PHLDB2: variants seen among roughly 807,000 people sequenced by gnomAD.
PHLDB2 encodes pleckstrin homology like domain family B member 2, also known as pleckstrin homology-like domain family B member 2.
Under a neutral mutation model 123.6 loss-of-function variants are expected in PHLDB2, and 71 were observed. The observed-to-expected ratio is 0.57, with a 90% confidence interval of 0.47 to 0.70. The LOEUF (loss-of-function observed/expected upper bound fraction) is 0.70. Among genes scored for constraint, PHLDB2 ranks in the 30% least tolerant of loss-of-function variants. The pLI is 0.00. For missense variants in PHLDB2, 1,446 were observed against 1,519.5 expected (o/e 0.95, Z 0.80); for synonymous variants, 547 against 541.6 (o/e 1.01, Z -0.14).
chr3:111,747,281 A>C (rs1213183454), intron 1 of PHLDB2, among the ~76,000 whole-genome samples: 1 of 152,198 alleles, frequency 6.6e-6, no homozygotes, highest in Non-Finnish European at 1.5e-5. Flanking sequence ...AATAGAATAG[A>C]GAGTAGGTGA....
At chr3:111,913,723 A>G in intron 3 of PHLDB2, 21 bp downstream of exon 3, 1 of 1,591,104 alleles carries the variant, frequency 6.3e-7, no homozygotes. Flanking sequence ...CCCAGCAAAG[A>G]TACTAGGATT....
chr3:111,825,961 G>T (rs2062635262), intron 1 of PHLDB2, among the ~76,000 whole-genome samples: 1 of 151,794 alleles, frequency 6.6e-6, no homozygotes, highest in African/African-American at 2.4e-5. Flanking sequence ...ATAAAATTTG[G>T]ATTATTTTAT....
intron 1 of PHLDB2, among the ~76,000 whole-genome samples, chr3:111,834,229 T>TA (rs1209802711): frequency 2.0e-5 from 1 of 50,598 alleles, no homozygotes; most frequent in Admixed American, 2.2e-4. Flanking sequence ...TATATATATA[T>TA]TATGTATATA....
intron 1 of PHLDB2, among the ~76,000 whole-genome samples, chr3:111,760,594 G>A (rs995899467): frequency 7.2e-5 from 11 of 152,050 alleles, no homozygotes; most frequent in African/African-American, 9.7e-5. Context: ...GTTGGACTGC[G>A]GGACTCATCT....
intron 1 of PHLDB2, among the ~76,000 whole-genome samples, chr3:111,867,155 T>C (rs2065129369): frequency 6.6e-6 from 1 of 152,024 alleles, no homozygotes; most frequent in Non-Finnish European, 1.5e-5. Context: ...CTTTCAAACT[T>C]CTCCCAGTTA....
At chr3:111,782,967 T>A (rs768426165) in intron 1 of PHLDB2, among the ~76,000 whole-genome samples, 1 of 152,104 alleles carries the variant, frequency 6.6e-6, no homozygotes, top group Non-Finnish European at 1.5e-5. Context: ...TTATATCACA[T>A]ATAATTTTGT....
At chr3:111,790,736 T>G (rs996856828) in intron 1 of PHLDB2, among the ~76,000 whole-genome samples, 1 of 152,176 alleles carries the variant, frequency 6.6e-6, no homozygotes, top group Non-Finnish European at 1.5e-5. Flanking sequence ...GCCTCCAACC[T>G]AAACAGTGTT....
At chr3:111,841,146 C>T (rs933526833) in intron 1 of PHLDB2, among the ~76,000 whole-genome samples, 2 of 152,158 alleles carry the variant, frequency 1.3e-5, no homozygotes, top group African/African-American at 4.8e-5. Flanking sequence ...GTCGCCCAGG[C>T]TGGAGTGCAA....
chr3:111,822,607 T>C (rs910461602), intron 1 of PHLDB2, among the ~76,000 whole-genome samples: 5 of 152,154 alleles, frequency 3.3e-5, no homozygotes, highest in African/African-American at 1.2e-4. Flanking sequence ...AAATTCAATG[T>C]CTAAAATCAA....
intron 5 of PHLDB2, 21 bp downstream of exon 5, chr3:111,920,440 A>G: frequency 1.2e-6 from 2 of 1,608,826 alleles, no homozygotes; most frequent in Non-Finnish European, 1.7e-6. Flanking sequence ...ATTATATTTC[A>G]ATGCAGTTTT....
chr3:111,907,550 G>A (rs577490980), intron 2 of PHLDB2, among the ~76,000 whole-genome samples: 1 of 152,198 alleles, frequency 6.6e-6, no homozygotes, highest in South Asian at 2.1e-4. Flanking sequence ...AAGTTGGAGT[G>A]TAGTAGCACG....
At chr3:111,781,115 A>T (rs1044179791) in intron 1 of PHLDB2, among the ~76,000 whole-genome samples, 1 of 152,060 alleles carries the variant, frequency 6.6e-6, no homozygotes, top group African/African-American at 2.4e-5. Context: ...TAGCTTTTAT[A>T]TTTCAAGTTG....
intron 1 of PHLDB2, among the ~76,000 whole-genome samples, chr3:111,872,988 T>C (rs1019136229): frequency 3.9e-5 from 6 of 152,142 alleles, no homozygotes; most frequent in Non-Finnish European, 8.8e-5. Flanking sequence ...CCAATAAGCT[T>C]GAACTAAAAA....
At chr3:111,818,676 AG>A (rs767133898) in intron 1 of PHLDB2, among the ~76,000 whole-genome samples, 3 of 152,180 alleles carry the variant, frequency 2.0e-5, no homozygotes, top group Non-Finnish European at 2.9e-5. Context: ...CCAGAGTGAA[AG>A]ACAAAAATAG....
chr3:111,927,568 G>T (rs925484340), intron 5 of PHLDB2, among the ~76,000 whole-genome samples: 3 of 152,102 alleles, frequency 2.0e-5, no homozygotes, highest in African/African-American at 7.2e-5. Flanking sequence ...TGCTAACAGG[G>T]TTGTCAGAAC....
chr3:111,898,401 T>G (rs1213975448), intron 2 of PHLDB2, among the ~76,000 whole-genome samples: 2 of 152,128 alleles, frequency 1.3e-5, no homozygotes, highest in Non-Finnish European at 2.9e-5. Flanking sequence ...CAGGCTCGTC[T>G]CGAACTCCTG....
At chr3:111,882,206 G>T (rs1310210968) in intron 1 of PHLDB2, among the ~76,000 whole-genome samples, 1 of 152,044 alleles carries the variant, frequency 6.6e-6, no homozygotes, top group Non-Finnish European at 1.5e-5. Context: ...AAATAACACT[G>T]AAATGTCCTC....
chr3:111,858,224 T>A (rs1456361082), upstream of PHLDB2, among the ~76,000 whole-genome samples: 6 of 152,058 alleles, frequency 3.9e-5, no homozygotes, highest in Admixed American at 3.9e-4. Context: ...AAACACTGCA[T>A]GTTCTCATCA....
intron 2 of PHLDB2, among the ~76,000 whole-genome samples, chr3:111,897,347 A>G (rs571724650): frequency 6.6e-6 from 1 of 152,180 alleles, no homozygotes; most frequent in East Asian, 1.9e-4. Flanking sequence ...GCCTTTTTCC[A>G]CCTTTCAGAG....
Sources: allele counts gnomAD v4.1 joint callset (sites outside exome capture counted in the v4.1 genomes callset), GRCh38; gene constraint gnomAD v4.1.1; transcripts MANE v1.5; gene names NCBI Gene and HGNC (gene_info 2026-07-23, HGNC 2026-07-21).